The following PRDM2 variants were observed in gnomAD, a reference collection of about 807,000 sequenced individuals.
PRDM2 encodes the protein PR domain zinc finger protein 2.
A neutral mutation model predicts 130.0 loss-of-function variants in PRDM2; 30 were observed. The ratio of observed to expected loss-of-function variants is 0.23; its 90% CI spans 0.17 to 0.31. The LOEUF is 0.31. Among genes scored for constraint, PRDM2 ranks in the 10% least tolerant of loss-of-function variants. The pLI, the probability that PRDM2 is intolerant of heterozygous loss-of-function variation, is 1.00. For synonymous variants in PRDM2, 871 were observed against 782.4 expected (o/e 1.11, Z -1.89); for missense variants, 2,011 against 2,108.4 (o/e 0.95, Z 0.90).
chr1:13,761,371 G>GA (rs1276801758), intron 6 of PRDM2, among the ~76,000 whole-genome samples: 3 of 152,032 alleles, frequency 2.0e-5, no homozygotes, highest in East Asian at 1.9e-4. Context: ...GTGAAATCAG[G>GA]AAAAAAACAA....
chr1:13,754,072 AGGG>A (rs1643894419), intron 6 of PRDM2, among the ~76,000 whole-genome samples: 1 of 152,152 alleles, frequency 6.6e-6, no homozygotes, highest in Non-Finnish European at 1.5e-5. Context: ...GTGGGAGATC[AGGG>A]GTGACCATTC....
At chr1:13,774,974 A>AT (rs1195442118) in intron 7 of PRDM2, among the ~76,000 whole-genome samples, 6 of 152,010 alleles carry the variant, frequency 3.9e-5, no homozygotes, top group Non-Finnish European at 4.4e-5. Context: ...TCTCAAAAAA[A>AT]AAAAAAAAAG....
In PRDM2 at chr1:13,802,206, C is replaced by T. The variant is rs146193617; in HGVS notation, c.5037-14221C>T. ...CTTGGCCTTTGGGCAGCGTCATCCC[C>T]GTGTTGAACAACACCCGTTCAGGCA... On this transcript the variant is annotated intron_variant, in intron 8 of 9. Coordinates refer to ENST00000311066, the MANE Select transcript of PRDM2 (RefSeq NM_001393986.1). Among the ~76,000 whole-genome samples, 948 of 152,278 alleles carry T rather than the reference C, an allele frequency of 6.2e-3. 7 individuals carry two copies. Among genetic ancestry groups the T allele is most frequent in the Middle Eastern group, 0.024 (7 of 294 alleles).
chr1:13,796,344 A>G (rs1250380781), intron 8 of PRDM2, among the ~76,000 whole-genome samples: 1 of 152,200 alleles, frequency 6.6e-6, no homozygotes, highest in Non-Finnish European at 1.5e-5. Flanking sequence ...GGTCCTGTTA[A>G]TATCATATGT....
intron 9 of PRDM2, among the ~76,000 whole-genome samples, chr1:13,820,116 C>T (rs1276822167): frequency 6.6e-6 from 1 of 152,208 alleles, no homozygotes; most frequent in Admixed American, 6.5e-5. Context: ...ACACTCTGGT[C>T]TTCTGATTCC....
intron 6 of PRDM2, among the ~76,000 whole-genome samples, chr1:13,754,809 C>T (rs1274961229): frequency 6.6e-6 from 1 of 152,164 alleles, no homozygotes; most frequent in Non-Finnish European, 1.5e-5. Context: ...GCCTGTGGTT[C>T]CTGTTTGCAG....
intron 6 of PRDM2, among the ~76,000 whole-genome samples, chr1:13,749,881 T>C (rs1643761357): frequency 6.6e-6 from 1 of 152,042 alleles, no homozygotes; most frequent in South Asian, 2.1e-4. Flanking sequence ...GCGCCCGAGC[T>C]TTCTCGCGGC....
In PRDM2 at chr1:13,823,401, C is replaced by G. The variant is rs1039948467; in HGVS notation, c.*266C>G. 21 of 589,936 alleles carry G rather than the reference C, an allele frequency of 3.6e-5. No individual in the cohort carries two copies. The highest frequency in any genetic ancestry group is 3.1e-6 in the Non-Finnish European group (1 of 326,904). The allele number at this position is 589,936 out of a possible 1,614,324, so 36.5% of individuals were successfully genotyped here. ...CTCCACGCTGTCCTTTGGGATGATA[C>G]TTGGATGCAGCTCTTGGGACCGTGT... On this transcript the variant is annotated 3_prime_UTR_variant, in exon 10 of 10. Transcript: ENST00000311066.
At chr1:13,754,166 TACTCATGTAGAAACCTAC>T (rs1387891973) in intron 6 of PRDM2, among the ~76,000 whole-genome samples, 1 of 152,198 alleles carries the variant, frequency 6.6e-6, no homozygotes, top group Non-Finnish European at 1.5e-5. Context: ...TTAGCAGTTC[TACTCATGTAGAAACCTAC>T]ATGAGTATTT....
chr1:13,804,410 G>A (rs1645056428), intron 8 of PRDM2, among the ~76,000 whole-genome samples: 1 of 152,266 alleles, frequency 6.6e-6, no homozygotes, highest in East Asian at 1.9e-4. Flanking sequence ...GCTTCAGAAC[G>A]GGCCCCTGCT....
chr1:13,791,823 A>C (rs183210018), intron 8 of PRDM2, among the ~76,000 whole-genome samples: 1 of 152,366 alleles, frequency 6.6e-6, no homozygotes, highest in Admixed American at 6.5e-5. Context: ...TGCGGGTAAT[A>C]GGATTTGCAC....
At chr1:13,754,754 G>T (rs1206873869) in intron 6 of PRDM2, among the ~76,000 whole-genome samples, 3 of 152,248 alleles carry the variant, frequency 2.0e-5, no homozygotes, top group Admixed American at 1.3e-4. Context: ...TGCCTACTGG[G>T]TGCCTGGTGG....
At position 13,771,279 on chromosome 1, in the gene PRDM2, T is replaced by C. The variant is rs1644354017; in HGVS notation, c.512-1799T>C. 6.6e-6 allele frequency among the ~76,000 whole-genome samples: 1 copy of C among 152,222 alleles called. No individual in the cohort carries two copies. Among genetic ancestry groups the C allele is most frequent in the South Asian group, 2.1e-4 (1 of 4,834 alleles). On this transcript the variant is annotated intron_variant, in intron 6 of 9. Coordinates refer to ENST00000311066, the MANE Select transcript of PRDM2 (RefSeq NM_001393986.1). The surrounding 1 kb of genome is among the most constrained non-coding windows in gnomAD (Gnocchi z 4.1). ...CTCCATGCAGATCCTTCACTCTTGT[T>C]ATCACCAGAGTGTGGTCCCGGTGAA... is the stretch of plus-strand genomic sequence containing the variant.
At chr1:13,775,801 G>T (rs1042187635) in intron 7 of PRDM2, among the ~76,000 whole-genome samples, 4 of 152,054 alleles carry the variant, frequency 2.6e-5, no homozygotes, top group Non-Finnish European at 5.9e-5. Flanking sequence ...ACAGCAGCCA[G>T]CATCTCCATT....
chr1:13,779,724 C>T lies in PRDM2; in HGVS notation c.1929C>T (p.Ser643=). 6.2e-7 allele frequency: 1 copy of T among 1,613,890 alleles called. No individual in the cohort carries two copies. Among genetic ancestry groups the T allele is most frequent in the South Asian group, 1.1e-5 (1 of 91,022 alleles). Residue 643 remains serine (S), a synonymous_variant, in exon 8 of 10, where the codon AGC becomes AGT. Transcript: ENST00000311066. This position sits in a 1 kb window ranked among gnomAD's most constrained non-coding sequence, Gnocchi z 4.9. The part of the protein sequence containing the change: ...NSEAKKRRTA[S]PPALPKIKAE... ...AGGCCAAGAAGCGGAGAACTGCGAG[C>T]CCACCTGCACTGCCCAAAATTAAGG...
chr1:13,819,087 A>T (rs60618620), intron 9 of PRDM2, among the ~76,000 whole-genome samples: 4,931 of 152,268 alleles, frequency 0.032, 267 homozygotes, highest in African/African-American at 0.11. Context: ...CCTTGCGGCC[A>T]AGGCTGCTAC....
intron 8 of PRDM2, among the ~76,000 whole-genome samples, chr1:13,783,971 G>A (rs1392629229): frequency 6.6e-6 from 1 of 152,186 alleles, no homozygotes; most frequent in Non-Finnish European, 1.5e-5. Context: ...CATTAGCCCT[G>A]CATGATTGAT....
intron 8 of PRDM2, among the ~76,000 whole-genome samples, chr1:13,797,035 C>T (rs1422278113): frequency 1.3e-5 from 2 of 152,198 alleles, no homozygotes; most frequent in Admixed American, 6.5e-5. Flanking sequence ...CTTCTCTTTA[C>T]CATCCTATGT....
chr1:13,777,387 A>T (rs1390595435), intron 7 of PRDM2, among the ~76,000 whole-genome samples: 1 of 151,522 alleles, frequency 6.6e-6, no homozygotes, highest in Non-Finnish European at 1.5e-5. Context: ...AAGTCAGATT[A>T]TATATTTCCG....
Sources: gnomAD v4.1 joint callset for allele counts (sites outside exome capture counted in the v4.1 genomes callset) on GRCh38, gnomAD v4.1.1 for gene constraint, Gnocchi (gnomAD v3.1) non-coding constraint, MANE v1.5 for transcripts, NCBI Gene and HGNC (gene_info 2026-07-23, HGNC 2026-07-21) for gene names.